The following MYO6 variants were observed in gnomAD, a reference collection of about 807,000 sequenced individuals.
MYO6 encodes myosin VI, also known as unconventional myosin-VI.
MYO6 carries 74 observed loss-of-function variants against 178.7 expected under a neutral mutation model. The ratio of observed to expected loss-of-function variants is 0.41; its 90% CI spans 0.34 to 0.50. The LOEUF (loss-of-function observed/expected upper bound fraction) is 0.50. MYO6 is among the 20% of genes least tolerant of loss of function. The pLI, the probability that MYO6 is intolerant of heterozygous loss-of-function variation, is 0.09. For synonymous variants in MYO6, 477 were observed against 504.6 expected (o/e 0.95, Z 0.73); for missense variants, 1,330 against 1,547.4 (o/e 0.86, Z 2.36).
chr6:75,860,295 A>G (rs6912861), intron 14 of MYO6, among the ~76,000 whole-genome samples: 3,116 of 152,352 alleles, frequency 0.02, 116 homozygotes, highest in African/African-American at 0.072. Context: ...TGGCATAAAC[A>G]AACAGGTAAA....
intron 14 of MYO6, among the ~76,000 whole-genome samples, chr6:75,860,428 A>G (rs866343504): frequency 6.6e-6 from 1 of 152,184 alleles, no homozygotes; most frequent in Non-Finnish European, 1.5e-5. Flanking sequence ...TCCCTTCTAC[A>G]CCAACCTACC....
At chr6:75,763,026 A>AT (rs34139526) in intron 1 of MYO6, among the ~76,000 whole-genome samples, 2,680 of 124,196 alleles carry the variant, frequency 0.022, 63 homozygotes, top group African/African-American at 0.063. Context: ...CTGACCTGTA[A>AT]TTTTTTTTTT....
intron 16 of MYO6, among the ~76,000 whole-genome samples, chr6:75,866,250 T>G (rs544108399): frequency 3.5e-4 from 51 of 147,498 alleles, no homozygotes; most frequent in Non-Finnish European, 6.6e-4. Flanking sequence ...TTTGGGTCTC[T>G]TTCTCTCCGT....
intron 18 of MYO6, among the ~76,000 whole-genome samples, chr6:75,867,756 A>G (rs1776815654): frequency 1.3e-5 from 2 of 152,218 alleles, no homozygotes; most frequent in Non-Finnish European, 2.9e-5. Context: ...ATGGAAGAAT[A>G]TTTCATTTGT....
At chr6:75,815,273 C>T (rs1054260612) in intron 1 of MYO6, among the ~76,000 whole-genome samples, 5 of 152,088 alleles carry the variant, frequency 3.3e-5, no homozygotes, top group Admixed American at 6.5e-5. Flanking sequence ...GGGATGATTT[C>T]GGGTTTGATT....
intron 19 of MYO6, among the ~76,000 whole-genome samples, chr6:75,871,458 C>G (rs1248810982): frequency 6.6e-6 from 1 of 152,164 alleles, no homozygotes; most frequent in African/African-American, 2.4e-5. Flanking sequence ...CCATGTTTCC[C>G]AGGCTGTTCT....
intron 25 of MYO6, among the ~76,000 whole-genome samples, chr6:75,889,152 A>G (rs1778698672): frequency 6.6e-6 from 1 of 152,170 alleles, no homozygotes; most frequent in South Asian, 2.1e-4. Flanking sequence ...GGAGGTAGAA[A>G]GGAAAAAAAA....
chr6:75,871,676 C>A (rs933662338), intron 19 of MYO6, among the ~76,000 whole-genome samples: 3 of 152,130 alleles, frequency 2.0e-5, no homozygotes, highest in Non-Finnish European at 2.9e-5. Flanking sequence ...TTAATATCCT[C>A]TTTGGCTGCA....
chr6:75,749,822 A>T (rs1008194033), intron 1 of MYO6, among the ~76,000 whole-genome samples: 5 of 152,188 alleles, frequency 3.3e-5, no homozygotes, highest in African/African-American at 1.2e-4. Context: ...GTGAAGATCA[A>T]ATGATACCAT....
At chr6:75,898,505 G>A (rs916833153) in intron 30 of MYO6, 94 bp downstream of exon 30, 8 of 1,000,808 alleles carry the variant, frequency 8.0e-6, no homozygotes, top group East Asian at 2.4e-5. Context: ...TGTTACATGA[G>A]TAGCCTAGTC....
At chr6:75,838,648 G>GTTT (rs113038679) in intron 7 of MYO6, among the ~76,000 whole-genome samples, 4 of 137,246 alleles carry the variant, frequency 2.9e-5, no homozygotes, top group Non-Finnish European at 4.8e-5. Flanking sequence ...GTTGACCATG[G>GTTT]TTTTTTTTTT....
Position 75,828,607 on chromosome 6 carries a change from A to T in MYO6, c.255A>T (p.Arg85Ser), listed in dbSNP as rs1772733107. The change falls in exon 4 of 35, where the codon AGA (arginine) becomes AGT (serine). Residue 85 changes from arginine to serine, a missense_variant. Coordinates refer to ENST00000369977, the MANE Select transcript of MYO6 (RefSeq NM_004999.4). Reference sequence around the variant, plus strand: ...TCAAAGTTCGATATAGTAAAGACAGAATTTATGTAAGTATTTTACCTGTAG... The same window carrying T: ...TCAAAGTTCGATATAGTAAAGACAGTATTTATGTAAGTATTTTACCTGTAG... ...HNIKVRYSKD[R>S]IYTYVANILI... The T allele has an allele frequency of 3.2e-6, 5 of 1,557,432 alleles. No individual in the cohort carries two copies. The highest frequency in any genetic ancestry group is 4.4e-6 in the Non-Finnish European group (5 of 1,128,940).
rs1260902196 is a variant in MYO6, at chr6:75,915,798, G to C, written c.*786G>C. On this transcript the variant is annotated 3_prime_UTR_variant, in exon 35 of 35. Transcript: ENST00000369977. ...TTTGTTTCAATTAGAAAAGGAAATA[G>C]GTTTTAGGTGGCATAGTGGCTTAAC... 3 of 152,612 alleles carry C rather than the reference G, an allele frequency of 2.0e-5. No individual in the cohort carries two copies. The highest frequency in any genetic ancestry group is 4.4e-5 in the Non-Finnish European group (3 of 68,020). The allele number at this position is 152,612 out of a possible 1,614,324, so 9.5% of individuals were successfully genotyped here. A position where few individuals can be genotyped will look rare whatever the true frequency, so the allele number is the denominator to read the frequency against.
At chr6:75,866,815 T>G in intron 17 of MYO6, 117 bp from the exon 18 acceptor site, 1 of 1,194,210 alleles carries the variant, frequency 8.4e-7, no homozygotes, top group Non-Finnish European at 1.2e-6. Context: ...GTGACGGCGT[T>G]GGACAGTGCA....
intron 28 of MYO6, among the ~76,000 whole-genome samples, chr6:75,893,031 C>T (rs983357896): frequency 6.6e-6 from 1 of 151,932 alleles, no homozygotes; most frequent in Admixed American, 6.6e-5. Context: ...CAAACACTGG[C>T]ATTGAAATAA....
intron 2 of MYO6, 30 bp downstream of exon 2, chr6:75,817,694 GA>G: frequency 6.3e-7 from 1 of 1,587,832 alleles, no homozygotes; most frequent in Non-Finnish European, 8.6e-7. Context: ...GTTGAAATAT[GA>G]TTTCTTTCAA....
intron 1 of MYO6, among the ~76,000 whole-genome samples, chr6:75,787,677 TCTCTCTCTCTCTCTC>T (rs1767717685): frequency 8.1e-5 from 1 of 12,420 alleles, no homozygotes; most frequent in Non-Finnish European, 1.2e-4. Flanking sequence ...ATGGAACTAT[TCTCTCTCTCTCTCTC>T]TCTCTCTCTC....
rs1772010796 is a variant in MYO6 at position 75,822,642 on chromosome 6, T to G, written c.118-140T>G. On this transcript the variant is annotated intron_variant, in intron 2 of 34. Transcript: ENST00000369977. Reference sequence around the variant, plus strand: ...GTTCTGTTTTGGGGTTAATGACTTGTTAAATAGTATTATCTGTATTATATT... The same window carrying G: ...GTTCTGTTTTGGGGTTAATGACTTGGTAAATAGTATTATCTGTATTATATT... 4.5e-6 allele frequency: 3 copies of G among 661,518 alleles called. No individual in the cohort carries two copies. In the South Asian group the frequency reaches 4.9e-5, roughly 11 times the overall value. The allele number at this position is 661,518 out of a possible 1,614,324, so 41.0% of individuals were successfully genotyped here.
In MYO6 at chr6:75,817,669, G is replaced by T; in HGVS notation, c.117+5G>T. The T allele has an allele frequency of 6.2e-7, 1 of 1,609,392 alleles. No individual in the cohort carries two copies. Among genetic ancestry groups the T allele is most frequent in the South Asian group, 1.1e-5 (1 of 90,982 alleles). ...CCCTTGAATCAGAAAGGCAAGGTGA[G>T]TTTCTCAGAAAGATGTTGAAATATG... On this transcript the variant is annotated splice_donor_5th_base_variant and intron_variant, in intron 2 of 34. Transcript: ENST00000369977.
Sources: allele counts gnomAD v4.1 joint callset (sites outside exome capture counted in the v4.1 genomes callset), GRCh38; gene constraint gnomAD v4.1.1; transcripts MANE v1.5; gene names NCBI Gene and HGNC (gene_info 2026-07-23, HGNC 2026-07-21).